Variants in RPS6KA2 observed in about 807,000 individuals in gnomAD.
RPS6KA2 encodes ribosomal protein S6 kinase A2, also known as ribosomal protein S6 kinase alpha-2.
A neutral mutation model predicts 91.8 loss-of-function variants in RPS6KA2; 42 were observed. The observed-to-expected ratio is 0.46, with a 90% confidence interval of 0.36 to 0.59. The LOEUF is 0.59. Ranked by LOEUF, RPS6KA2 falls within the 20% of genes least tolerant of loss-of-function variation. RPS6KA2 has a pLI of 0.00. For synonymous variants in RPS6KA2, 414 were observed against 393.6 expected, an observed-to-expected ratio of 1.05 and a Z score of -0.61; for missense variants, 798 against 978.5, an observed-to-expected ratio of 0.82 and a Z score of 2.46.
intron 1 of RPS6KA2, among the ~76,000 whole-genome samples, chr6:166,558,805 C>T (rs928655356): frequency 1.1e-4 from 16 of 152,218 alleles, no homozygotes; most frequent in African/African-American, 3.4e-4. Flanking sequence ...ATCACAAGTG[C>T]TGGCTGGACA....
intron 12 of RPS6KA2, among the ~76,000 whole-genome samples, chr6:166,456,903 T>C (rs1780122435): frequency 1.3e-5 from 2 of 152,230 alleles, no homozygotes; most frequent in African/African-American, 4.8e-5. Context: ...GCATTGTGTC[T>C]AATTATGTTT....
intron 3 of RPS6KA2, among the ~76,000 whole-genome samples, chr6:166,517,946 T>C (rs949093326): frequency 1.6e-4 from 24 of 152,214 alleles, no homozygotes; most frequent in African/African-American, 4.3e-4. Flanking sequence ...TCAGTAAATA[T>C]GTGGGTAAAT....
intron 19 of RPS6KA2, among the ~76,000 whole-genome samples, chr6:166,416,924 C>G (rs1250119667): frequency 6.6e-6 from 1 of 152,226 alleles, no homozygotes; most frequent in Non-Finnish European, 1.5e-5. Flanking sequence ...ATCATCACCT[C>G]CACGCTCACT....
chr6:166,515,987 A>G (rs1782630939), intron 3 of RPS6KA2, among the ~76,000 whole-genome samples: 2 of 152,190 alleles, frequency 1.3e-5, no homozygotes, highest in African/African-American at 2.4e-5. Context: ...GAGTTGTCCA[A>G]CCTTTCCGGA....
At chr6:166,670,771 T>C (rs578192775) in intron 2 of RPS6KA2, among the ~76,000 whole-genome samples, 10 of 152,354 alleles carry the variant, frequency 6.6e-5, no homozygotes, top group African/African-American at 1.9e-4. Flanking sequence ...TCTCTACTCT[T>C]AAGGCTACCC....
At chr6:166,615,329 G>A (rs190809911) in intron 1 of RPS6KA2, among the ~76,000 whole-genome samples, 17 of 152,326 alleles carry the variant, frequency 1.1e-4, no homozygotes, top group African/African-American at 3.4e-4. Flanking sequence ...TCCAGCCACC[G>A]TGGACTCCCT....
At chr6:166,661,407 T>A (rs1051890773) in intron 2 of RPS6KA2, among the ~76,000 whole-genome samples, 1 of 152,240 alleles carries the variant, frequency 6.6e-6, no homozygotes, top group African/African-American at 2.4e-5. Context: ...GGCCAAAATC[T>A]TTTACTATTT....
intron 2 of RPS6KA2, among the ~76,000 whole-genome samples, chr6:166,771,415 C>T (rs191054994): frequency 6.7e-4 from 102 of 152,268 alleles, no homozygotes; most frequent in African/African-American, 2.1e-3. Context: ...GGCTTAAACC[C>T]GGAAGCGCGT....
intron 1 of RPS6KA2, among the ~76,000 whole-genome samples, chr6:166,560,931 C>T (rs1463342263): frequency 7.5e-6 from 1 of 133,690 alleles, no homozygotes; most frequent in Non-Finnish European, 1.6e-5. Flanking sequence ...CTTAGCCCAA[C>T]ATGGTGTTTT....
chr6:166,473,925 A>G (rs910638233), intron 10 of RPS6KA2, among the ~76,000 whole-genome samples: 2 of 143,514 alleles, frequency 1.4e-5, no homozygotes, highest in African/African-American at 5.2e-5. Flanking sequence ...TTATCTACAC[A>G]TTATTTGTTT....
chr6:166,779,188 G>A (rs531266143), intron 2 of RPS6KA2, among the ~76,000 whole-genome samples: 5 of 152,304 alleles, frequency 3.3e-5, no homozygotes, highest in South Asian at 2.1e-4. Context: ...TTTTCCTACC[G>A]TGATGTTCTC....
intron 2 of RPS6KA2, among the ~76,000 whole-genome samples, chr6:166,705,728 G>C (rs1562392922): frequency 6.6e-6 from 1 of 152,160 alleles, no homozygotes; most frequent in Non-Finnish European, 1.5e-5. Flanking sequence ...ACAGAATAGA[G>C]ACTATTAAAA....
intron 3 of RPS6KA2, among the ~76,000 whole-genome samples, chr6:166,521,425 G>T (rs1236081804): frequency 6.6e-6 from 1 of 152,252 alleles, no homozygotes; most frequent in Non-Finnish European, 1.5e-5. Flanking sequence ...TCTAGTCAAA[G>T]AGGATTATTC....
intron 2 of RPS6KA2, among the ~76,000 whole-genome samples, chr6:166,797,622 G>C (rs1779258878): frequency 1.3e-5 from 2 of 152,080 alleles, no homozygotes; most frequent in African/African-American, 2.4e-5. Flanking sequence ...TCCTCATACA[G>C]GTCTTCATCC....
intron 2 of RPS6KA2, among the ~76,000 whole-genome samples, chr6:166,643,301 G>C (rs529104056): frequency 6.6e-6 from 1 of 152,100 alleles, no homozygotes; most frequent in African/African-American, 2.4e-5. Flanking sequence ...AAGACAAAGA[G>C]TGCCAAATAG....
chr6:166,674,314 G>A (rs1242303091), intron 2 of RPS6KA2, among the ~76,000 whole-genome samples: 2 of 152,216 alleles, frequency 1.3e-5, no homozygotes, highest in Non-Finnish European at 2.9e-5. Context: ...CATGGCAGGT[G>A]GGCGCTGGGC....
intron 2 of RPS6KA2, among the ~76,000 whole-genome samples, chr6:166,842,913 G>C (rs1384642646): frequency 4.6e-5 from 7 of 152,228 alleles, no homozygotes; most frequent in African/African-American, 1.7e-4. Context: ...CCCTTTGAAG[G>C]AACTTTATCG....
chr6:166,484,028 C>T (rs918348835), intron 10 of RPS6KA2, among the ~76,000 whole-genome samples: 3 of 152,226 alleles, frequency 2.0e-5, no homozygotes, highest in East Asian at 1.9e-4. Flanking sequence ...AGGCAGAGCC[C>T]GTGCATCTGA....
At chr6:166,541,725 C>A (rs1251621698) in intron 1 of RPS6KA2, among the ~76,000 whole-genome samples, 2 of 152,184 alleles carry the variant, frequency 1.3e-5, no homozygotes, top group African/African-American at 2.4e-5. Flanking sequence ...CTTCTTTAGT[C>A]ATTTCTGTAA....
Sources: gnomAD v4.1 joint callset for allele counts (sites outside exome capture counted in the v4.1 genomes callset) on GRCh38, gnomAD v4.1.1 for gene constraint, MANE v1.5 for transcripts, NCBI Gene and HGNC (gene_info 2026-07-23, HGNC 2026-07-21) for gene names.